The following ZNF335 variants were observed in gnomAD, a reference collection of about 807,000 sequenced individuals.
The protein encoded by ZNF335 is NRC-interacting factor 1.
ZNF335 carries 84 observed loss-of-function variants against 145.6 expected under a neutral mutation model. The observed-to-expected ratio is 0.58, with a 90% CI of 0.48 to 0.69. The LOEUF (loss-of-function observed/expected upper bound fraction) is 0.69, where lower values mean the gene tolerates loss of function less well. Among genes scored for constraint, ZNF335 ranks in the 30% least tolerant of loss-of-function variants. The pLI is 0.00. For synonymous variants in ZNF335, 761 were observed against 717.0 expected (o/e 1.06, Z -0.98); for missense variants, 1,865 against 1,809.7 (o/e 1.03, Z -0.55).
In ZNF335 at chr20:45,963,828, T is replaced by A; in HGVS notation, c.1265A>T (p.Asn422Ile). ...EAGVSQSDAE[N>I]AAPSCPDEHD... ...CTCATCCGGGCAGGAGGGGGCTGCG[T>A]TCTCTGCATCTGACTGGCTCACACC... Residue 422 changes from asparagine to isoleucine, a missense_variant, in exon 8 of 28, where the codon AAC becomes ATC. By Grantham distance (149) the Asn-to-Ile change is moderately radical. Coordinates refer to ENST00000322927, the MANE Select transcript of ZNF335 (RefSeq NM_022095.4). 1 of 1,613,888 alleles carries A rather than the reference T, an allele frequency of 6.2e-7. No individual in the cohort carries two copies. Among genetic ancestry groups the A allele is most frequent in the African/African-American group, 1.3e-5 (1 of 75,038 alleles).
chr20:45,958,019 C>A, intron 15 of ZNF335, 91 bp from the exon 16 acceptor site: 1 of 991,352 alleles, frequency 1.0e-6, no homozygotes, highest in Non-Finnish European at 1.6e-6. Context: ...AGATGTTTTA[C>A]ATCTGTTGGC....
At position 45,971,276 on chromosome 20, in the gene ZNF335, G is replaced by A; in HGVS notation, c.135C>T (p.Ala45=). 1.3e-6 allele frequency: 2 copies of A among 1,573,116 alleles called. No individual in the cohort carries two copies. The highest frequency in any genetic ancestry group is 1.7e-6 in the Non-Finnish European group (2 of 1,165,646). Residue 45 remains alanine, a synonymous_variant, in exon 2 of 28, where the codon GCC becomes GCT. Coordinates refer to ENST00000322927, the MANE Select transcript of ZNF335 (RefSeq NM_022095.4). Reference sequence around the variant, plus strand: ...AGTCATCGGCCTCTGCCTGCCCCGGGGCGGCCGCGGCGTCGCTGCTGTCGG... The same window carrying A: ...AGTCATCGGCCTCTGCCTGCCCCGGAGCGGCCGCGGCGTCGCTGCTGTCGG... The part of the protein sequence containing the change: ...VSADSSDAAA[A]PGQAEADDSG...
chr20:45,969,467 C>A lies in ZNF335; in HGVS notation c.426G>T (p.Gly142=). 4 of 1,548,624 alleles carry A rather than the reference C, an allele frequency of 2.6e-6. No individual in the cohort carries two copies. The highest frequency in any genetic ancestry group is 2.3e-5 in the East Asian group (1 of 43,766). ...AIDKIIESTI[G]PDLIQNCITV... ...CTGACTCACTCTGGATGAGGTCGGG[C>A]CCGATGGTGGACTCGATGATCTTGT... is the stretch of plus-strand genomic sequence containing the variant. The change falls in exon 3 of 28, where the codon GGG becomes GGT. Residue 142 remains glycine (G), a synonymous_variant. Transcript: ENST00000322927.
chr20:45,957,174 A>G (rs1170212086), intron 17 of ZNF335, among the ~76,000 whole-genome samples: 1 of 152,124 alleles, frequency 6.6e-6, no homozygotes, highest in Admixed American at 6.5e-5. Context: ...GATCTAGAGG[A>G]AGCCCTGGGG....
In ZNF335 at chr20:45,971,420, G is replaced by A. The variant is rs199929676; in HGVS notation, c.-10C>T. The A allele has an allele frequency of 1.3e-4, 207 of 1,599,080 alleles. No homozygotes were observed. In the East Asian group the frequency reaches 4.3e-3, roughly 33 times the overall value. ...CCTCGTTCTCCTCCATCTGATCGGC[G>A]GGCTGCCTGACAGCGGGGCGTAGGG... On this transcript the variant is annotated 5_prime_UTR_variant, in exon 2 of 28. Coordinates refer to ENST00000322927, the MANE Select transcript of ZNF335 (RefSeq NM_022095.4).
At position 45,959,193 on chromosome 20, in the gene ZNF335, G is replaced by A. The variant is rs376583009; in HGVS notation, c.2253+8C>T. 25 of 1,363,320 alleles carry A rather than the reference G, an allele frequency of 1.8e-5. No homozygotes were observed. In the Admixed American group the frequency reaches 2.3e-4, roughly 13 times the overall value. The allele number at this position is 1,363,320 out of a possible 1,614,324, so 84.5% of individuals were successfully genotyped here. A position where few individuals can be genotyped will look rare whatever the true frequency, so the allele number is the denominator to read the frequency against. On this transcript the variant is annotated splice_region_variant and intron_variant, in intron 15 of 27. Coordinates refer to ENST00000322927, the MANE Select transcript of ZNF335 (RefSeq NM_022095.4). ...ACTCTGTCATCCTGACCCATGCCCC[G>A]ACCTTACCTCAGGAGGTCCTGGGGA...
Position 45,949,238 on chromosome 20 carries a change from G to T in ZNF335, c.3833C>A (p.Pro1278His). ...GACAAGCTGCTGGCCTGGGGACACA[G>T]GCACATACTGGATCTGGAGGGGAGA... The part of the protein sequence containing the change: ...FLQESQIQYV[P>H]VSPGQQLVTQ... The change falls in exon 27 of 28, where the codon CCT (proline) becomes CAT (histidine). Residue 1278 changes from proline (P) to histidine (H), a missense_variant. Transcript: ENST00000322927. 1 of 1,613,878 alleles carries T rather than the reference G, an allele frequency of 6.2e-7. No individual in the cohort carries two copies. The highest frequency in any genetic ancestry group is 8.5e-7 in the Non-Finnish European group (1 of 1,180,010).
chr20:45,957,565 G>T, intron 17 of ZNF335, 21 bp downstream of exon 17: 1 of 1,610,708 alleles, frequency 6.2e-7, no homozygotes, highest in Non-Finnish European at 8.5e-7. Flanking sequence ...GGGAAGGGGA[G>T]CAGGTTCCCA....
intron 7 of ZNF335, among the ~76,000 whole-genome samples, chr20:45,964,949 C>T (rs567041533): frequency 1.4e-3 from 206 of 151,522 alleles, no homozygotes; most frequent in Non-Finnish European, 2.3e-3. Flanking sequence ...GAGAATTGCT[C>T]GAACCTGGGA....
chr20:45,952,763 T>C, intron 18 of ZNF335, 54 bp from the exon 19 acceptor site: 1 of 1,545,394 alleles, frequency 6.5e-7, no homozygotes, highest in Non-Finnish European at 8.9e-7. Flanking sequence ...GGAGCCCCCT[T>C]CCCCAAGCAA....
At chr20:45,956,257 T>C (rs1008442796) in intron 17 of ZNF335, among the ~76,000 whole-genome samples, 1 of 151,326 alleles carries the variant, frequency 6.6e-6, no homozygotes, top group Admixed American at 6.6e-5. Context: ...TTAGATGGAG[T>C]TTTGCTCGTT....
At chr20:45,967,676 C>A in intron 5 of ZNF335, 42 bp from the exon 6 acceptor site, 1 of 1,610,610 alleles carries the variant, frequency 6.2e-7, no homozygotes, top group Middle Eastern at 1.7e-4. Context: ...CCATGTCTGG[C>A]TCCCAGCACC....
At chr20:45,960,919 C>T (rs2083832081) in intron 10 of ZNF335, 37 bp from the exon 11 acceptor site, 10 of 1,611,940 alleles carry the variant, frequency 6.2e-6, no homozygotes, top group Non-Finnish European at 7.6e-6. Context: ...ACCAGAGCTT[C>T]CCCAAGCCCA....
At position 45,952,148 on chromosome 20, in the gene ZNF335, C is replaced by T. The variant is rs777626902; in HGVS notation, c.3188G>A (p.Arg1063Gln). Residue 1063 changes from arginine to glutamine, a missense_variant and splice_region_variant, in exon 20 of 28, where the codon CGG becomes CAG. Physicochemically the swap from Arg to Gln is conservative, Grantham distance 43. Coordinates refer to ENST00000322927, the MANE Select transcript of ZNF335 (RefSeq NM_022095.4). ...GACACAGGAGCAACCAGCACCTACC[C>T]GGACCTCGGGCCACTGGCGGGCACT... Reference protein sequence around the residue: ...PFSARQWPEVRAHMAQHSSLR... With the variant: ...PFSARQWPEVQAHMAQHSSLR... The T allele has an allele frequency of 2.1e-5, 34 of 1,595,378 alleles. No individual in the cohort carries two copies. The highest frequency in any genetic ancestry group is 1.8e-4 in the Middle Eastern group (1 of 5,644).
intron 3 of ZNF335, 85 bp downstream of exon 3, chr20:45,969,366 G>A: frequency 2.2e-6 from 3 of 1,394,158 alleles, no homozygotes; most frequent in Non-Finnish European, 2.8e-6. Context: ...AAAGTAATCT[G>A]CCTGAGTTCA....
intron 26 of ZNF335, 35 bp downstream of exon 26, chr20:45,949,298 G>A (rs552673947): frequency 3.7e-6 from 6 of 1,614,044 alleles, no homozygotes; most frequent in African/African-American, 1.3e-5. Context: ...AAACCTGCCT[G>A]TGCCCCAGGT....
chr20:45,960,339 C>A lies in ZNF335; in HGVS notation c.1889G>T (p.Cys630Phe), dbSNP rs1247082594. The change falls in exon 14 of 28, where the codon TGT becomes TTT. Residue 630 changes from cysteine to phenylalanine, a missense_variant. Physicochemically the swap from Cys to Phe is radical, Grantham distance 205. Coordinates refer to ENST00000322927, the MANE Select transcript of ZNF335 (RefSeq NM_022095.4). ...RFKCEFCEFV[C>F]EDKKALLNHQ... ...GTTCAGCAGTGCCTTCTTGTCTTCA[C>A]AAACAAACTCACAGAACTCACACTT... 6.2e-7 allele frequency: 1 copy of A among 1,614,172 alleles called. No individual in the cohort carries two copies.
chr20:45,968,503 T>G, intron 3 of ZNF335, 141 bp from the exon 4 acceptor site: 1 of 708,088 alleles, frequency 1.4e-6, no homozygotes, highest in Non-Finnish European at 2.4e-6. Flanking sequence ...AAACCAGCTG[T>G]GTCACCCCTG....
intron 9 of ZNF335, 43 bp from the exon 10 acceptor site, chr20:45,962,225 C>T: frequency 6.7e-7 from 1 of 1,500,674 alleles, no homozygotes. Context: ...GCTTGGCCTC[C>T]TCTCCCATCC....
Sources: gnomAD v4.1 joint callset for allele counts (sites outside exome capture counted in the v4.1 genomes callset) on GRCh38, gnomAD v4.1.1 for gene constraint, MANE v1.5 for transcripts, NCBI Gene and HGNC (gene_info 2026-07-23, HGNC 2026-07-21) for gene names.